The following ZYG11B variants were observed in gnomAD, a reference collection of about 807,000 sequenced individuals.
ZYG11B encodes the protein protein zyg-11 homolog B.
Under a neutral mutation model 82.4 loss-of-function variants are expected in ZYG11B, and 36 were observed. The observed-to-expected ratio is 0.44, with a 90% CI of 0.33 to 0.58. The LOEUF is 0.58. Among genes scored for constraint, ZYG11B ranks in the 20% least tolerant of loss-of-function variants. The pLI is 0.02. For synonymous variants in ZYG11B, 303 were observed against 312.8 expected, an observed-to-expected ratio of 0.97 and a Z score of 0.33; for missense variants, 552 against 895.6, an observed-to-expected ratio of 0.62 and a Z score of 4.90.
In ZYG11B at chr1:52,726,497, G is replaced by GGCTGCA. The variant is rs1644284625; in HGVS notation, c.-152_-151insAGCTGC. 2 of 605,046 alleles carry GGCTGCA rather than the reference G, an allele frequency of 3.3e-6. No homozygotes were observed. Among genetic ancestry groups the GGCTGCA allele is most frequent in the African/African-American group, 4.4e-5 (2 of 45,356 alleles). 37.5% of individuals were successfully genotyped at this position (605,046 alleles called of 1,614,324 possible). On this transcript the variant is annotated 5_prime_UTR_variant, in exon 1 of 14. Transcript: ENST00000294353. ...GGGCTGCGGCTGCGGCTGCGGCTGC[G>GGCTGCA]GCTGCTACTGCTACGCTCCTAGCTT...
chr1:52,748,017 A>G (rs548182251), intron 1 of ZYG11B, among the ~76,000 whole-genome samples: 103 of 152,334 alleles, frequency 6.8e-4, no homozygotes, highest in African/African-American at 2.2e-3. Context: ...CACATAGCAT[A>G]TATTAGCATA....
rs529397254 is a variant in ZYG11B, at chr1:52,779,586, G to A, written c.952-267G>A. Among the ~76,000 whole-genome samples, 40 of 152,288 alleles carry A rather than the reference G, an allele frequency of 2.6e-4. No homozygotes were observed. The South Asian group carries it at 8.3e-3, about 32-fold the overall frequency. ...GCTCACTGTAACCTCCGCCTCCTGG[G>A]TTCAAGCGATTCTCCTGCCTCAGCC... On this transcript the variant is annotated intron_variant, in intron 3 of 13. Coordinates refer to ENST00000294353, the MANE Select transcript of ZYG11B (RefSeq NM_024646.3).
intron 1 of ZYG11B, among the ~76,000 whole-genome samples, chr1:52,731,586 G>A (rs1169013407): frequency 6.6e-6 from 1 of 152,008 alleles, no homozygotes; most frequent in African/African-American, 2.4e-5. Context: ...TAAGGGCTAG[G>A]TGATGTTCTA....
chr1:52,761,161 A>C (rs1644627265), intron 2 of ZYG11B, among the ~76,000 whole-genome samples: 1 of 152,200 alleles, frequency 6.6e-6, no homozygotes, highest in Non-Finnish European at 1.5e-5. Context: ...GATTGGAGTA[A>C]TTAGCATATT....
chr1:52,761,556 G>A (rs376342103), intron 2 of ZYG11B, among the ~76,000 whole-genome samples: 4 of 152,174 alleles, frequency 2.6e-5, no homozygotes, highest in African/African-American at 9.6e-5. Flanking sequence ...CATTATGTAT[G>A]TACACCACAT....
chr1:52,735,760 A>C (rs1644373801), intron 1 of ZYG11B, among the ~76,000 whole-genome samples: 4 of 151,878 alleles, frequency 2.6e-5, no homozygotes, highest in Admixed American at 2.6e-4. Context: ...CTGGTCTCGA[A>C]CTCCTGACCT....
At chr1:52,789,343 T>C (rs1376472457) in intron 5 of ZYG11B, among the ~76,000 whole-genome samples, 1 of 152,190 alleles carries the variant, frequency 6.6e-6, no homozygotes, top group Non-Finnish European at 1.5e-5. Context: ...CTTTAAAAAA[T>C]ATTAAAGCCA....
chr1:52,794,817 A>G (rs1211063396), intron 6 of ZYG11B, among the ~76,000 whole-genome samples: 2 of 152,174 alleles, frequency 1.3e-5, no homozygotes, highest in Non-Finnish European at 2.9e-5. Flanking sequence ...TCTATCTTCA[A>G]AATTTATCCA....
rs1180490690 is a variant in ZYG11B at position 52,825,222 on chromosome 1, A to T, written c.*3593A>T. 2 of 152,034 alleles carry T rather than the reference A, an allele frequency of 1.3e-5. No homozygotes were observed. Among genetic ancestry groups the T allele is most frequent in the Non-Finnish European group, 2.9e-5 (2 of 68,008 alleles). 9.4% of individuals were successfully genotyped at this position (152,034 alleles called of 1,614,324 possible). A position where few individuals can be genotyped will look rare whatever the true frequency, so the allele number is the denominator to read the frequency against. Reference sequence around the variant, plus strand: ...TGTGGTCTTTCTACTCCACAAAATAATTTTTTCTTTTTGCAGTTGAAAATT... The same window carrying T: ...TGTGGTCTTTCTACTCCACAAAATATTTTTTTCTTTTTGCAGTTGAAAATT... On this transcript the variant is annotated 3_prime_UTR_variant, in exon 14 of 14. Transcript: ENST00000294353.
At chr1:52,746,692 T>G (rs970354419) in intron 1 of ZYG11B, among the ~76,000 whole-genome samples, 3 of 119,956 alleles carry the variant, frequency 2.5e-5, no homozygotes, top group Non-Finnish European at 5.0e-5. Flanking sequence ...CCACTGTTTT[T>G]TTTTTTTTTT....
At chr1:52,783,882 A>ATGTACATACATGTGTGTGTG (rs74208826) in intron 4 of ZYG11B, among the ~76,000 whole-genome samples, 1,477 of 126,020 alleles carry the variant, frequency 0.012, 36 homozygotes, top group African/African-American at 0.048. Flanking sequence ...ACGTGTGTGT[A>ATGTACATACATGTGTGTGTG]TATGTACATA....
chr1:52,819,906 T>G (rs1008791729), intron 13 of ZYG11B, among the ~76,000 whole-genome samples: 7 of 151,730 alleles, frequency 4.6e-5, no homozygotes. Flanking sequence ...CCCTGAATAA[T>G]TTATTTTATT....
chr1:52,764,113 C>CTTTAT (rs71044417), intron 2 of ZYG11B, among the ~76,000 whole-genome samples: 75 of 150,464 alleles, frequency 5.0e-4, no homozygotes, highest in Middle Eastern at 3.3e-3. Flanking sequence ...CATGTTGATT[C>CTTTAT]TTTATTTTAT....
At chr1:52,783,967 CAT>C (rs200233269) in intron 4 of ZYG11B, among the ~76,000 whole-genome samples, 18,924 of 75,118 alleles carry the variant, frequency 0.25, 2,416 homozygotes, top group African/African-American at 0.45. Flanking sequence ...CACATACACA[CAT>C]ATACACACAC....
intron 1 of ZYG11B, among the ~76,000 whole-genome samples, chr1:52,732,430 A>G (rs923238218): frequency 5.3e-5 from 8 of 152,110 alleles, no homozygotes; most frequent in Non-Finnish European, 1.0e-4. Context: ...TCCCCCTATT[A>G]TTAGACATAT....
At chr1:52,797,595 G>A (rs558718371) in intron 8 of ZYG11B, among the ~76,000 whole-genome samples, 22 of 142,844 alleles carry the variant, frequency 1.5e-4, no homozygotes, top group South Asian at 6.5e-4. Flanking sequence ...TGAAAGCTCC[G>A]CTTCCCAGGT....
chr1:52,816,781 T>A lies in ZYG11B; in HGVS notation c.2044+152T>A. The A allele has an allele frequency of 6.4e-4, 29 of 45,286 alleles. No homozygotes were observed. In the East Asian group the frequency reaches 9.7e-3, roughly 15 times the overall value. The allele number at this position is 45,286 out of a possible 1,614,324, so 2.8% of individuals were successfully genotyped here. A position where few individuals can be genotyped will look rare whatever the true frequency, so the allele number is the denominator to read the frequency against. On this transcript the variant is annotated intron_variant, in intron 13 of 13. Coordinates refer to ENST00000294353, the MANE Select transcript of ZYG11B (RefSeq NM_024646.3). ...CTTAGGTTATAAACTTAAGGTATTC[T>A]TTTTTTTTTTTTTTTTTTTTTTTTG...
chr1:52,731,501 A>C lies in ZYG11B; in HGVS notation c.30+4818A>C, dbSNP rs1194724072. On this transcript the variant is annotated intron_variant, in intron 1 of 13. Coordinates refer to ENST00000294353, the MANE Select transcript of ZYG11B (RefSeq NM_024646.3). ...CAGGAATTTTATATTTCTTACTGTA[A>C]TTATTTGATTAGAGTCTCTTTCCAT... Among the ~76,000 whole-genome samples, 8 of 152,250 alleles carry C rather than the reference A, an allele frequency of 5.3e-5. No individual in the cohort carries two copies. In the South Asian group the frequency reaches 8.3e-4, roughly 16 times the overall value.
intron 10 of ZYG11B, among the ~76,000 whole-genome samples, chr1:52,807,281 C>G (rs1371860296): frequency 6.6e-6 from 1 of 151,540 alleles, no homozygotes; most frequent in South Asian, 2.1e-4. Context: ...GGATTACAGG[C>G]GTGAGGCACC....
Sources: allele counts gnomAD v4.1 joint callset (sites outside exome capture counted in the v4.1 genomes callset), GRCh38; gene constraint gnomAD v4.1.1; transcripts MANE v1.5; gene names NCBI Gene and HGNC (gene_info 2026-07-23, HGNC 2026-07-21).